MYH10: variants seen among roughly 807,000 people sequenced by gnomAD.
MYH10 encodes myosin heavy chain 10.
In MYH10, 55 loss-of-function variants were observed where a neutral mutation model predicts 257.8. That is an observed-to-expected ratio of 0.21 (90% CI 0.17 to 0.27). The LOEUF is 0.27. Among genes scored for constraint, MYH10 ranks in the 10% least tolerant of loss-of-function variants. MYH10 has a pLI of 1.00. For synonymous variants in MYH10, 854 were observed against 921.7 expected, an observed-to-expected ratio of 0.93 and a Z score of 1.33; for missense variants, 1,631 against 2,500.6, an observed-to-expected ratio of 0.65 and a Z score of 7.42.
At chr17:8,619,312 AC>A (rs1406763256) in intron 2 of MYH10, among the ~76,000 whole-genome samples, 1 of 152,210 alleles carries the variant, frequency 6.6e-6, no homozygotes, top group Non-Finnish European at 1.5e-5. Context: ...ACAGTTTGGT[AC>A]TAGTACACTG....
At chr17:8,540,853 T>C (rs1331374544) in intron 14 of MYH10, among the ~76,000 whole-genome samples, 1 of 152,180 alleles carries the variant, frequency 6.6e-6, no homozygotes, top group African/African-American at 2.4e-5. Context: ...TGTAATGAAG[T>C]GTGTTCATGT....
chr17:8,505,958 T>G (rs946909069), intron 27 of MYH10: 3 of 159,350 alleles, frequency 1.9e-5, no homozygotes, highest in African/African-American at 7.2e-5. Context: ...CCAGCCTGGG[T>G]GACAGAGTGA....
At position 8,511,055 on chromosome 17, in the gene MYH10, T is replaced by TAC. The variant is rs2081270053; in HGVS notation, c.2953-1107_2953-1106insGT. ...ATATATATATATATATATATATATA[T>TAC]ATATACACACATACATACATACACA... On this transcript the variant is annotated intron_variant, in intron 24 of 42. Transcript: ENST00000360416. 8.9e-5 allele frequency: 5 copies of TAC among 56,050 alleles called. No homozygotes were observed. The East Asian group carries it at 2.1e-3, about 23-fold the overall frequency. The allele number at this position is 56,050 out of a possible 1,614,324, so 3.5% of individuals were successfully genotyped here.
chr17:8,480,812 A>C (rs1272251019), intron 38 of MYH10, among the ~76,000 whole-genome samples: 1 of 152,044 alleles, frequency 6.6e-6, no homozygotes. Context: ...CTCCACAGAC[A>C]ACAGCCAGAG....
rs2151963880 is a variant in MYH10 at position 8,551,639 on chromosome 17, T to C, written c.919+407A>G. Among the ~76,000 whole-genome samples the C allele has an allele frequency of 1.3e-5, 2 of 152,302 alleles. 1 individual carries two copies. Among genetic ancestry groups the C allele is most frequent in the Middle Eastern group, 6.8e-3 (2 of 294 alleles). On this transcript the variant is annotated intron_variant, in intron 9 of 42. Coordinates refer to ENST00000360416, the MANE Select transcript of MYH10 (RefSeq NM_001256012.3). ...CAATCAATCAATATCCACCACAGGC[T>C]CTTTCTAGTACTAGTGGAAGCAATA...
chr17:8,549,839 A>G (rs4791725), intron 9 of MYH10, among the ~76,000 whole-genome samples: 144,636 of 149,936 alleles, frequency 0.96, 69,994 homozygotes, highest in East Asian at 1. Context: ...CCTGCGATTG[A>G]AAGCTCGCGC....
At chr17:8,483,724 G>A (rs1047330193) in intron 37 of MYH10, among the ~76,000 whole-genome samples, 1 of 152,232 alleles carries the variant, frequency 6.6e-6, no homozygotes, top group African/African-American at 2.4e-5. Flanking sequence ...GGAATTCAAT[G>A]AAACAAACTT....
chr17:8,491,767 T>G (rs1354261957), intron 34 of MYH10, among the ~76,000 whole-genome samples: 1 of 152,122 alleles, frequency 6.6e-6, no homozygotes, highest in African/African-American at 2.4e-5. Flanking sequence ...TAAATAAATA[T>G]CATGGCAGCT....
chr17:8,587,952 T>C (rs1038666383), intron 4 of MYH10, among the ~76,000 whole-genome samples: 3 of 152,028 alleles, frequency 2.0e-5, no homozygotes, highest in African/African-American at 7.3e-5. Flanking sequence ...CCCTCCACTC[T>C]CTATTGCTGG....
chr17:8,567,657 G>C (rs527987889), intron 7 of MYH10, among the ~76,000 whole-genome samples: 2 of 152,280 alleles, frequency 1.3e-5, no homozygotes, highest in South Asian at 4.1e-4. Context: ...GACACACACA[G>C]AGGGAAGGCC....
intron 26 of MYH10, among the ~76,000 whole-genome samples, chr17:8,507,229 T>G (rs2081101037): frequency 6.6e-6 from 1 of 152,254 alleles, no homozygotes; most frequent in Non-Finnish European, 1.5e-5. Flanking sequence ...AATTTCATAC[T>G]GACATGCCCT....
At chr17:8,489,910 A>C (rs1355591165) in intron 35 of MYH10, among the ~76,000 whole-genome samples, 4 of 152,362 alleles carry the variant, frequency 2.6e-5, no homozygotes, top group South Asian at 2.1e-4. Flanking sequence ...CAACTTTATA[A>C]AAGGACAAAT....
chr17:8,562,816 T>C (rs2083041006), intron 7 of MYH10, among the ~76,000 whole-genome samples: 1 of 152,224 alleles, frequency 6.6e-6, no homozygotes. Context: ...TCACTCAAAA[T>C]GTGCAATAGG....
rs1294422551 is a variant in MYH10, at chr17:8,548,341, A to G, written c.1131T>C (p.Thr377=). Reference sequence around the variant, plus strand: ...TATTTTCTGGCATGGAAGCTTGATCAGTATTTCTCTCCTTTTTGAAAGAAA... The same window carrying G: ...TATTTTCTGGCATGGAAGCTTGATCGGTATTTCTCTCCTTTTTGAAAGAAA... ...GNISFKKERN[T]DQASMPENTV... The change falls in exon 11 of 43, where the codon ACT becomes ACC. Residue 377 remains threonine, a synonymous_variant. Coordinates refer to ENST00000360416, the MANE Select transcript of MYH10 (RefSeq NM_001256012.3). 6.2e-7 allele frequency: 1 copy of G among 1,612,674 alleles called. No homozygotes were observed. The highest frequency in any genetic ancestry group is 8.5e-7 in the Non-Finnish European group (1 of 1,179,082).
At chr17:8,499,708 T>C (rs1917221884) in intron 29 of MYH10, among the ~76,000 whole-genome samples, 1 of 152,232 alleles carries the variant, frequency 6.6e-6, no homozygotes, top group African/African-American at 2.4e-5. Flanking sequence ...AGGGGCTCAC[T>C]GTGCTAAGTA....
intron 3 of MYH10, among the ~76,000 whole-genome samples, chr17:8,600,905 G>T (rs1335188145): frequency 1.3e-5 from 2 of 152,162 alleles, no homozygotes; most frequent in Non-Finnish European, 2.9e-5. Flanking sequence ...TGAAGGAAAA[G>T]AAAATATTCA....
In MYH10 at chr17:8,552,260, A is replaced by G. The variant is rs937127491; in HGVS notation, c.821-116T>C. ...AACATCTTCTTTCTCTGATTATTAT[A>G]TAAACTATCCTGCAATGAACTATTC... On this transcript the variant is annotated intron_variant, in intron 8 of 42. Transcript: ENST00000360416. This position sits in a 1 kb window ranked among gnomAD's most constrained non-coding sequence, Gnocchi z 4.8. 34 of 477,346 alleles carry G rather than the reference A, an allele frequency of 7.1e-5. No individual in the cohort carries two copies. The highest frequency in any genetic ancestry group is 1.0e-4 in the Non-Finnish European group (29 of 281,366). The allele number at this position is 477,346 out of a possible 1,614,324, so 29.6% of individuals were successfully genotyped here.
chr17:8,491,021 G>A (rs1915682449), intron 34 of MYH10, among the ~76,000 whole-genome samples: 1 of 152,230 alleles, frequency 6.6e-6, no homozygotes, highest in Non-Finnish European at 1.5e-5. Flanking sequence ...GCAGGGCACA[G>A]TACACAGGCC....
At position 8,552,835 on chromosome 17, in the gene MYH10, C is replaced by G. The variant is rs1214473067; in HGVS notation, c.821-691G>C. ...GTACCTACGCCTGCTGCTACCCACC[C>G]TGCCTGGGCTTCCCAGGGGGCAGGT... On this transcript the variant is annotated intron_variant, in intron 8 of 42. Coordinates refer to ENST00000360416, the MANE Select transcript of MYH10 (RefSeq NM_001256012.3). This position sits in a 1 kb window ranked among gnomAD's most constrained non-coding sequence, Gnocchi z 4.8. Among the ~76,000 whole-genome samples, 1 of 152,216 alleles carries G rather than the reference C, an allele frequency of 6.6e-6. No homozygotes were observed. Among genetic ancestry groups the G allele is most frequent in the Non-Finnish European group, 1.5e-5 (1 of 68,020 alleles).
Sources: allele counts gnomAD v4.1 joint callset (sites outside exome capture counted in the v4.1 genomes callset), GRCh38; gene constraint gnomAD v4.1.1; non-coding constraint Gnocchi (gnomAD v3.1); transcripts MANE v1.5; gene names NCBI Gene and HGNC (gene_info 2026-07-23, HGNC 2026-07-21).